The following GABRG3 variants were observed in gnomAD, a reference collection of about 807,000 sequenced individuals.
The protein encoded by GABRG3 is gamma-aminobutyric acid receptor subunit gamma-3.
Under a neutral mutation model 48.8 loss-of-function variants are expected in GABRG3, and 25 were observed. The observed-to-expected ratio is 0.51, with a 90% CI of 0.37 to 0.72. GABRG3 has a LOEUF of 0.72. Among genes scored for constraint, GABRG3 ranks in the 30% least tolerant of loss-of-function variants. GABRG3 has a pLI of 0.00. For synonymous variants in GABRG3, 227 were observed against 217.6 expected (o/e 1.04, Z -0.38); for missense variants, 394 against 577.9 (o/e 0.68, Z 3.26).
At chr15:27,312,178 G>A (rs1296080447) in intron 3 of GABRG3, among the ~76,000 whole-genome samples, 3 of 152,064 alleles carry the variant, frequency 2.0e-5, no homozygotes, top group Middle Eastern at 3.4e-3. Flanking sequence ...TCACTTGAGG[G>A]GTTTAACAGC....
At chr15:27,064,821 T>C (rs1896710243) in intron 3 of GABRG3, among the ~76,000 whole-genome samples, 1 of 152,206 alleles carries the variant, frequency 6.6e-6, no homozygotes, top group Admixed American at 6.5e-5. Flanking sequence ...TATGATTTTG[T>C]AGCCATACAT....
intron 2 of GABRG3, among the ~76,000 whole-genome samples, chr15:27,002,784 A>G (rs1392552134): frequency 9.2e-4 from 131 of 142,418 alleles, no homozygotes; most frequent in Middle Eastern, 3.6e-3. Flanking sequence ...AAGGAAGGAA[A>G]GAAGGAAAGA....
intron 5 of GABRG3, among the ~76,000 whole-genome samples, chr15:27,372,225 A>C (rs1372062980): frequency 6.6e-6 from 1 of 152,176 alleles, no homozygotes; most frequent in African/African-American, 2.4e-5. Flanking sequence ...AATATTTGAA[A>C]TAATATCAGG....
At chr15:27,312,145 G>A (rs190397830) in intron 3 of GABRG3, among the ~76,000 whole-genome samples, 51 of 152,166 alleles carry the variant, frequency 3.4e-4, no homozygotes, top group African/African-American at 1.2e-3. Context: ...TAGAGCTGAA[G>A]AATAATAACT....
chr15:27,477,769 A>G (rs549751320), intron 5 of GABRG3, among the ~76,000 whole-genome samples: 72 of 152,280 alleles, frequency 4.7e-4, no homozygotes, highest in Admixed American at 2.0e-3. Flanking sequence ...GGCCGGGCAC[A>G]GTGGCTCACA....
intron 3 of GABRG3, among the ~76,000 whole-genome samples, chr15:27,274,525 G>A (rs547248631): frequency 6.6e-5 from 10 of 152,230 alleles, no homozygotes; most frequent in Admixed American, 3.3e-4. Flanking sequence ...ACCACAGCAA[G>A]AACTCACTCA....
chr15:27,385,459 C>A lies in GABRG3; in HGVS notation c.574+56571C>A, dbSNP rs187188195. Among the ~76,000 whole-genome samples the A allele has an allele frequency of 9.2e-5, 14 of 151,862 alleles. No homozygotes were observed. The East Asian group carries it at 2.6e-3, about 28-fold the overall frequency. On this transcript the variant is annotated intron_variant, in intron 5 of 9. Coordinates refer to ENST00000615808, the MANE Select transcript of GABRG3 (RefSeq NM_033223.5). ...ACCATGATTTTTTAGAACATATTTTCTCTCCTTCGCGTCTCTCCTCTCGTT... is the reference window on the plus strand; with the variant it reads ...ACCATGATTTTTTAGAACATATTTTATCTCCTTCGCGTCTCTCCTCTCGTT...
intron 5 of GABRG3, among the ~76,000 whole-genome samples, chr15:27,395,353 A>T (rs1191354460): frequency 6.6e-6 from 1 of 152,216 alleles, no homozygotes; most frequent in African/African-American, 2.4e-5. Context: ...CCCTCATTTG[A>T]TGACACTTGA....
chr15:27,193,851 C>T (rs532586431), intron 3 of GABRG3, among the ~76,000 whole-genome samples: 82 of 152,268 alleles, frequency 5.4e-4, no homozygotes, highest in African/African-American at 1.9e-3. Flanking sequence ...TGTTCCTATT[C>T]GGCCATCTTG....
chr15:27,119,866 G>A (rs960437084), intron 3 of GABRG3, among the ~76,000 whole-genome samples: 4 of 152,156 alleles, frequency 2.6e-5, no homozygotes, highest in Non-Finnish European at 5.9e-5. Flanking sequence ...CTTCATTAAG[G>A]CAGCAAGGAG....
chr15:27,493,407 G>C (rs1282910540), intron 6 of GABRG3, among the ~76,000 whole-genome samples: 1 of 152,050 alleles, frequency 6.6e-6, no homozygotes, highest in Non-Finnish European at 1.5e-5. Flanking sequence ...AATTCACACA[G>C]AGAGATTCAT....
In GABRG3 at chr15:27,055,019, T is replaced by TTTTGTTTTG. The variant is rs1555400728; in HGVS notation, c.270+28201_270+28202insGTTTTGTTT. Among the ~76,000 whole-genome samples, 1,221 of 151,480 alleles carry TTTTGTTTTG rather than the reference T, an allele frequency of 8.1e-3. 44 individuals are homozygous for TTTTGTTTTG. In the East Asian group the frequency reaches 0.095, roughly 12 times the overall value. ...GGGCCAAGACCTGTTTTTTTTTTTT[T>TTTTGTTTTG]TTTTTTTTAAATGACTTGTCAGCTA... On this transcript the variant is annotated intron_variant, in intron 3 of 9. Coordinates refer to ENST00000615808, the MANE Select transcript of GABRG3 (RefSeq NM_033223.5).
chr15:27,523,305 A>C (rs1891200163), intron 7 of GABRG3, among the ~76,000 whole-genome samples: 1 of 150,996 alleles, frequency 6.6e-6, no homozygotes, highest in Non-Finnish European at 1.5e-5. Context: ...TATATAAAAT[A>C]AATACATTTT....
chr15:27,500,946 A>G (rs2150853786), intron 6 of GABRG3, among the ~76,000 whole-genome samples: 1 of 139,862 alleles, frequency 7.1e-6, no homozygotes, highest in Non-Finnish European at 1.5e-5. Context: ...ATAGGAAGTA[A>G]CGTATGTTTT....
At chr15:27,509,733 C>A (rs1425806964) in intron 6 of GABRG3, among the ~76,000 whole-genome samples, 1 of 152,180 alleles carries the variant, frequency 6.6e-6, no homozygotes, top group African/African-American at 2.4e-5. Context: ...TTCCATTATG[C>A]TAATTTCCAT....
intron 3 of GABRG3, among the ~76,000 whole-genome samples, chr15:27,266,435 T>C (rs1890924177): frequency 6.6e-6 from 1 of 152,216 alleles, no homozygotes; most frequent in Non-Finnish European, 1.5e-5. Context: ...ACTGTCTGGA[T>C]TACTGTAGCT....
intron 3 of GABRG3, among the ~76,000 whole-genome samples, chr15:27,238,972 A>G (rs866155370): frequency 6.6e-6 from 1 of 152,222 alleles, no homozygotes; most frequent in Non-Finnish European, 1.5e-5. Context: ...GGAAGTGTCA[A>G]CCTAAATAAC....
chr15:27,308,309 CAT>C lies in GABRG3; in HGVS notation c.271-18494_271-18493del, dbSNP rs1027493942. The stretch of plus-strand genomic sequence containing the variant: ...CGTTTATATATAAACATCATATAAA[CAT>C]ATATAAACATACGTTTATATATAAA... On this transcript the variant is annotated intron_variant, in intron 3 of 9. Transcript: ENST00000615808. 1.1e-4 allele frequency among the ~76,000 whole-genome samples: 14 copies of C among 124,084 alleles called. 1 individual carries two copies. In the East Asian group the frequency reaches 1.6e-3, roughly 14 times the overall value. 81.4% of individuals were successfully genotyped at this position (124,084 alleles called of 152,430 possible).
intron 5 of GABRG3, among the ~76,000 whole-genome samples, chr15:27,370,264 ATTTAGC>A (rs1895364287): frequency 6.6e-6 from 1 of 152,228 alleles, no homozygotes; most frequent in Non-Finnish European, 1.5e-5. Context: ...TGAGCTAGGC[ATTTAGC>A]AGAGTAGAAA....
Sources: allele counts gnomAD v4.1 joint callset (sites outside exome capture counted in the v4.1 genomes callset), GRCh38; gene constraint gnomAD v4.1.1; transcripts MANE v1.5; gene names NCBI Gene and HGNC (gene_info 2026-07-23, HGNC 2026-07-21).